The following ZC3H12D variants were observed in gnomAD, a reference collection of about 807,000 sequenced individuals.
ZC3H12D encodes the protein probable ribonuclease ZC3H12D.
In ZC3H12D, 11 loss-of-function variants were observed where a neutral mutation model predicts 24.2. The observed-to-expected ratio is 0.46, with a 90% CI of 0.29 to 0.75. The LOEUF (loss-of-function observed/expected upper bound fraction) is 0.75, where lower values mean the gene tolerates loss of function less well. ZC3H12D is among the 30% of genes least tolerant of loss of function. The pLI, the probability that ZC3H12D is intolerant of heterozygous loss-of-function variation, is 0.11. For missense variants in ZC3H12D, 740 were observed against 767.7 expected, an observed-to-expected ratio of 0.96 and a Z score of 0.43; for synonymous variants, 333 against 341.8, an observed-to-expected ratio of 0.97 and a Z score of 0.28.
chr6:149,458,148 T>TTTTTTTTTTTTTTTTTTTTCTTTTTTC (rs1562472760), intron 3 of ZC3H12D, among the ~76,000 whole-genome samples: 1 of 128,082 alleles, frequency 7.8e-6, no homozygotes, highest in African/African-American at 3.6e-5. Flanking sequence ...TTTTTTTTTT[T>TTTTTTTTTTTTTTTTTTTTCTTTTTTC]TTTTTGAGAC....
chr6:149,461,683 T>C lies in ZC3H12D; in HGVS notation c.445+148A>G, dbSNP rs1420622241. 5 of 847,480 alleles carry C rather than the reference T, an allele frequency of 5.9e-6. No homozygotes were observed. The East Asian group carries it at 1.1e-4, about 19-fold the overall frequency. 52.5% of individuals were successfully genotyped at this position (847,480 alleles called of 1,614,324 possible). ...CTAGGGCTATGGCATTGAACAGTCA[T>C]AATCAGTGCCTTCATGGAGCTTATA... On this transcript the variant is annotated intron_variant, in intron 3 of 5. Transcript: ENST00000409806.
At chr6:149,482,756 A>G (rs897712510) in intron 1 of ZC3H12D, among the ~76,000 whole-genome samples, 2 of 152,148 alleles carry the variant, frequency 1.3e-5, no homozygotes, top group African/African-American at 4.8e-5. Flanking sequence ...TTCCTTGTAT[A>G]TTATCACATC....
chr6:149,476,459 G>C (rs9485397), intron 1 of ZC3H12D, among the ~76,000 whole-genome samples: 1 of 151,730 alleles, frequency 6.6e-6, no homozygotes, highest in East Asian at 1.9e-4. Context: ...AGCCAAGATC[G>C]TGCTACTGCA....
At chr6:149,467,311 G>A (rs1776178705) in intron 2 of ZC3H12D, among the ~76,000 whole-genome samples, 2 of 152,054 alleles carry the variant, frequency 1.3e-5, no homozygotes, top group African/African-American at 4.8e-5. Context: ...GGAGTGCAAT[G>A]GTACAATCAT....
chr6:149,484,923 T>A lies in ZC3H12D; in HGVS notation c.-181A>T, dbSNP rs535807863. 1 of 151,964 alleles carries A rather than the reference T, an allele frequency of 6.6e-6. No individual in the cohort carries two copies. Among genetic ancestry groups the A allele is most frequent in the South Asian group, 2.1e-4 (1 of 4,812 alleles). The allele number at this position is 151,964 out of a possible 1,614,324, so 9.4% of individuals were successfully genotyped here. On this transcript the variant is annotated 5_prime_UTR_variant, in exon 1 of 6. It removes the in-frame stop codon of an upstream open reading frame in the 5' UTR. Transcript: ENST00000409806. Reference sequence around the variant, plus strand: ...GCCAGGCCCCCAGGTGCCACTGGAGTCAGAGGAGGGCAGCTGGCGTGCGCC... The same window carrying A: ...GCCAGGCCCCCAGGTGCCACTGGAGACAGAGGAGGGCAGCTGGCGTGCGCC...
intron 4 of ZC3H12D, among the ~76,000 whole-genome samples, chr6:149,455,768 G>A (rs539912518): frequency 3.9e-4 from 59 of 152,184 alleles, no homozygotes; most frequent in African/African-American, 1.4e-3. Flanking sequence ...TGGGCTCAGT[G>A]GCTGACACCT....
At position 149,447,446 on chromosome 6, in the gene ZC3H12D, G is replaced by A. The variant is rs1322711833; in HGVS notation, c.*3237C>T. The A allele has an allele frequency of 6.6e-6, 1 of 152,044 alleles. No homozygotes were observed. The highest frequency in any genetic ancestry group is 1.9e-4 in the East Asian group (1 of 5,188). The allele number at this position is 152,044 out of a possible 1,614,324, so 9.4% of individuals were successfully genotyped here. On this transcript the variant is annotated 3_prime_UTR_variant, in exon 6 of 6. Transcript: ENST00000409806. ...TTTTTGTATTTTTAGTAGAGACAGG[G>A]TCTCACCAGGTTGACCAGGCTGGTC...
chr6:149,450,921 C>G lies in ZC3H12D; in HGVS notation c.1346G>C (p.Arg449Pro), dbSNP rs1338888421. 2 of 1,539,814 alleles carry G rather than the reference C, an allele frequency of 1.3e-6. No individual in the cohort carries two copies. The highest frequency in any genetic ancestry group is 1.7e-6 in the Non-Finnish European group (2 of 1,145,868). ...RPPRSDRFPG[R>P]SVWAEPAWGD... The stretch of plus-strand genomic sequence containing the variant: ...CCAGGCCGGCTCCGCCCAGACGGAG[C>G]GCCCAGGGAAGCGGTCGGAGCGGGG... Residue 449 changes from arginine (R) to proline (P), a missense_variant, in exon 6 of 6, where the codon CGC becomes CCC. Arg to Pro is a moderately radical substitution (Grantham distance 103). Coordinates refer to ENST00000409806, the MANE Select transcript of ZC3H12D (RefSeq NM_207360.3).
At chr6:149,459,657 C>A (rs539145656) in intron 3 of ZC3H12D, 2 of 718,010 alleles carry the variant, frequency 2.8e-6, no homozygotes, top group East Asian at 5.4e-5. Context: ...AATGGACCTC[C>A]ACTCATTTCC....
chr6:149,457,728 ATCCCAG>A (rs1776006528), intron 3 of ZC3H12D, among the ~76,000 whole-genome samples: 1 of 152,166 alleles, frequency 6.6e-6, no homozygotes, highest in African/African-American at 2.4e-5. Context: ...TAAAATCTGC[ATCCCAG>A]GAGGGTCAGC....
In ZC3H12D at chr6:149,450,452, A is replaced by G; in HGVS notation, c.*231T>C. On this transcript the variant is annotated 3_prime_UTR_variant, in exon 6 of 6. Transcript: ENST00000409806. ...GTGCACATGGAAAATCATTCCCTCC[A>G]CGGAAGTGGGTGGACCTCCCCGCAG... 1 of 510,464 alleles carries G rather than the reference A, an allele frequency of 2.0e-6. No homozygotes were observed. The highest frequency in any genetic ancestry group is 3.4e-6 in the Non-Finnish European group (1 of 291,182). The allele number at this position is 510,464 out of a possible 1,614,324, so 31.6% of individuals were successfully genotyped here. A position where few individuals can be genotyped will look rare whatever the true frequency, so the allele number is the denominator to read the frequency against.
chr6:149,470,651 T>C (rs74729902), intron 2 of ZC3H12D, among the ~76,000 whole-genome samples: 2,477 of 152,332 alleles, frequency 0.016, 68 homozygotes, highest in African/African-American at 0.057. Context: ...TCCAACATCC[T>C]AATTGTGTAA....
Position 149,451,399 on chromosome 6 carries a change from C to G in ZC3H12D, c.868G>C (p.Glu290Gln). 2 of 1,564,882 alleles carry G rather than the reference C, an allele frequency of 1.3e-6. No individual in the cohort carries two copies. Among genetic ancestry groups the G allele is most frequent in the Non-Finnish European group, 1.7e-6 (2 of 1,166,344 alleles). The stretch of plus-strand genomic sequence containing the variant: ...CGGGCCCCTGTCTTGGCGCGGAGCT[C>G]GTCGGCCACCGCCAGTTGCGCGTGG... ...PHHAQLAVAD[E>Q]LRAKTGARPG... The change falls in exon 6 of 6, where the codon GAG (glutamate) becomes CAG (glutamine). Residue 290 changes from glutamate to glutamine, a missense_variant. Physicochemically the swap from Glu to Gln is conservative, Grantham distance 29 (BLOSUM62 2). Transcript: ENST00000409806.
At chr6:149,469,925 A>C (rs1212049068) in intron 2 of ZC3H12D, among the ~76,000 whole-genome samples, 1 of 151,812 alleles carries the variant, frequency 6.6e-6, no homozygotes, top group Non-Finnish European at 1.5e-5. Context: ...GCCGGGGGAG[A>C]GCAGAAGGAA....
Position 149,448,671 on chromosome 6 carries a change from C to T in ZC3H12D, c.*2012G>A, listed in dbSNP as rs1775827741. 6.6e-6 allele frequency: 1 copy of T among 152,202 alleles called. No homozygotes were observed. The highest frequency in any genetic ancestry group is 2.1e-4 in the South Asian group (1 of 4,834). The allele number at this position is 152,202 out of a possible 1,614,324, so 9.4% of individuals were successfully genotyped here. ...ATGGTAAAATTGTGGGTGCACCGTC[C>T]TCTTTGGAAAAAGGGGGTAAGGAAC... On this transcript the variant is annotated 3_prime_UTR_variant, in exon 6 of 6. Transcript: ENST00000409806.
chr6:149,459,503 A>G (rs1294796193), intron 3 of ZC3H12D: 9 of 696,724 alleles, frequency 1.3e-5, no homozygotes, highest in Non-Finnish European at 2.4e-5. Flanking sequence ...AGCCCAGAAT[A>G]TGCGCAGAAG....
At chr6:149,453,610 AGAGT>A (rs200811703) in intron 4 of ZC3H12D, among the ~76,000 whole-genome samples, 1,652 of 152,262 alleles carry the variant, frequency 0.011, 25 homozygotes, top group African/African-American at 0.038. Flanking sequence ...CCTGGATGAC[AGAGT>A]GAGACTCCTT....
chr6:149,450,977 G>A lies in ZC3H12D; in HGVS notation c.1290C>T (p.Arg430=), dbSNP rs752750642. The change falls in exon 6 of 6, where the codon CGC becomes CGT. Residue 430 remains arginine (R), a synonymous_variant. Coordinates refer to ENST00000409806, the MANE Select transcript of ZC3H12D (RefSeq NM_207360.3). ...GGGCCCACGGGTCGTCGGGTGGCCT[G>A]CGCGGGGAAAGCAAGTCGCCGTGCA... ...RDLHGDLLSP[R]RPPDDPWARP... 1.3e-6 allele frequency: 2 copies of A among 1,521,042 alleles called. No individual in the cohort carries two copies. Among genetic ancestry groups the A allele is most frequent in the Middle Eastern group, 1.9e-4 (1 of 5,340 alleles). 94.2% of individuals were successfully genotyped at this position (1,521,042 alleles called of 1,614,324 possible). A position where few individuals can be genotyped will look rare whatever the true frequency, so the allele number is the denominator to read the frequency against.
chr6:149,483,263 C>T (rs1776452467), intron 1 of ZC3H12D: 1 of 152,098 alleles, frequency 6.6e-6, no homozygotes, highest in Non-Finnish European at 1.5e-5. Context: ...ACAAGTATTT[C>T]TCGCCTGGCC....
Sources: allele counts gnomAD v4.1 joint callset (sites outside exome capture counted in the v4.1 genomes callset), GRCh38; gene constraint gnomAD v4.1.1; transcripts MANE v1.5; gene names NCBI Gene and HGNC (gene_info 2026-07-23, HGNC 2026-07-21).